The following MAP2 variants were observed in gnomAD, a reference collection of about 807,000 sequenced individuals.
MAP2 encodes the protein microtubule associated protein 2.
A neutral mutation model predicts 137.6 loss-of-function variants in MAP2; 14 were observed. The observed-to-expected ratio is 0.10, with a 90% CI of 0.07 to 0.16. The LOEUF (loss-of-function observed/expected upper bound fraction) is 0.16. Ranked by LOEUF, MAP2 falls within the 10% of genes least tolerant of loss-of-function variation. The pLI, the probability that MAP2 is intolerant of heterozygous loss-of-function variation, is 1.00. For synonymous variants in MAP2, 786 were observed against 782.3 expected (o/e 1.00, Z -0.08); for missense variants, 2,088 against 2,191.5 (o/e 0.95, Z 0.94).
chr2:209,543,692 A>G (rs288071), intron 2 of MAP2, among the ~76,000 whole-genome samples: 37,654 of 152,114 alleles, frequency 0.25, 7,452 homozygotes, highest in African/African-American at 0.56. Flanking sequence ...CTGTATTTTA[A>G]GATTGTGTCA....
At chr2:209,569,726 CA>C (rs1351797823) in intron 2 of MAP2, among the ~76,000 whole-genome samples, 2 of 151,800 alleles carry the variant, frequency 1.3e-5, no homozygotes, top group Non-Finnish European at 3.0e-5. Context: ...ACATAGATTA[CA>C]TAACATGATA....
chr2:209,729,984 C>T, intron 15 of MAP2, 22 bp downstream of exon 15: 1 of 1,432,942 alleles, frequency 7.0e-7, no homozygotes, highest in Middle Eastern at 1.8e-4. Context: ...GGTTATGAGC[C>T]AATCTTGTCT....
intron 2 of MAP2, among the ~76,000 whole-genome samples, chr2:209,539,010 A>G (rs550138157): frequency 6.6e-6 from 1 of 152,308 alleles, no homozygotes; most frequent in East Asian, 1.9e-4. Flanking sequence ...TTCAAAAAAT[A>G]TTAGAATGAT....
At chr2:209,651,876 T>C (rs1206537972) in intron 4 of MAP2, among the ~76,000 whole-genome samples, 1 of 152,210 alleles carries the variant, frequency 6.6e-6, no homozygotes, top group Admixed American at 6.5e-5. Flanking sequence ...TGCTTGTTAG[T>C]AATCTGATGG....
chr2:209,636,446 G>A (rs182548325), intron 4 of MAP2, among the ~76,000 whole-genome samples: 84 of 152,150 alleles, frequency 5.5e-4, no homozygotes, highest in Non-Finnish European at 9.7e-4. Flanking sequence ...TTTTTGGCAT[G>A]TGTTTACAAT....
At chr2:209,679,668 T>C (rs2053680360) in intron 6 of MAP2, among the ~76,000 whole-genome samples, 1 of 152,030 alleles carries the variant, frequency 6.6e-6, no homozygotes, top group Admixed American at 6.6e-5. Flanking sequence ...GAATAATAAT[T>C]TAGAATACAC....
intron 4 of MAP2, among the ~76,000 whole-genome samples, chr2:209,627,605 T>A (rs2092516346): frequency 6.6e-6 from 1 of 152,206 alleles, no homozygotes; most frequent in African/African-American, 2.4e-5. Context: ...GAAGCTATTC[T>A]GCCTACCAGA....
At chr2:209,600,498 G>T (rs931341207) in intron 3 of MAP2, among the ~76,000 whole-genome samples, 2 of 152,104 alleles carry the variant, frequency 1.3e-5, no homozygotes, top group African/African-American at 4.8e-5. Context: ...CCTGTTTCCG[G>T]GGCTGTCTAC....
intron 2 of MAP2, among the ~76,000 whole-genome samples, chr2:209,559,703 G>C (rs1442140646): frequency 6.6e-6 from 1 of 151,894 alleles, no homozygotes; most frequent in Non-Finnish European, 1.5e-5. Flanking sequence ...CACCAAGACA[G>C]TAGTGGTGTC....
intron 1 of MAP2, among the ~76,000 whole-genome samples, chr2:209,497,917 C>G (rs1026468589): frequency 5.3e-5 from 8 of 152,198 alleles, no homozygotes; most frequent in African/African-American, 1.9e-4. Flanking sequence ...ACTATATCAT[C>G]CTGCATCTGG....
At position 209,686,511 on chromosome 2, in the gene MAP2, CTTA is replaced by C. The variant is rs149523278; in HGVS notation, c.454+5690_454+5692del. Among the ~76,000 whole-genome samples the C allele has an allele frequency of 8.0e-3, 1,213 of 152,100 alleles. 16 individuals carry two copies. Among genetic ancestry groups the C allele is most frequent in the African/African-American group, 0.027 (1,130 of 41,494 alleles). ...ACAGATAGATACTATAGATTTTGTTCTTATTATTGAGAGTCATGAAATTTTAAA... is the reference window on the plus strand; with the variant it reads ...ACAGATAGATACTATAGATTTTGTTCTTATTGAGAGTCATGAAATTTTAAA... On this transcript the variant is annotated intron_variant, in intron 7 of 15. Transcript: ENST00000682079.
intron 1 of MAP2, among the ~76,000 whole-genome samples, chr2:209,472,835 T>C (rs1022370386): frequency 4.6e-5 from 7 of 152,194 alleles, no homozygotes; most frequent in African/African-American, 1.7e-4. Flanking sequence ...ATATTTAATA[T>C]AATGCTAGCA....
chr2:209,532,089 A>T (rs1227242084), intron 2 of MAP2, among the ~76,000 whole-genome samples: 2 of 151,920 alleles, frequency 1.3e-5, no homozygotes, highest in Non-Finnish European at 2.9e-5. Context: ...AACTAAAAAA[A>T]TTAGCTAGGC....
intron 2 of MAP2, among the ~76,000 whole-genome samples, chr2:209,523,941 C>T (rs909416854): frequency 1.3e-5 from 2 of 152,122 alleles, no homozygotes; most frequent in Non-Finnish European, 2.9e-5. Flanking sequence ...AGGCTTGTCT[C>T]ATTTAGACAA....
chr2:209,680,634 A>T (rs1021605612), intron 6 of MAP2, 116 bp from the exon 7 acceptor site: 9 of 875,794 alleles, frequency 1.0e-5, no homozygotes, highest in Non-Finnish European at 7.4e-6. Context: ...CTTACTATTG[A>T]ATCTTTTTCT....
intron 13 of MAP2, among the ~76,000 whole-genome samples, chr2:209,713,963 G>A (rs778559394): frequency 3.9e-4 from 59 of 152,052 alleles, no homozygotes; most frequent in Non-Finnish European, 5.4e-4. Flanking sequence ...CCAAGGCAGC[G>A]GGTGGATCAC....
chr2:209,458,885 A>G (rs1702131502), intron 1 of MAP2, among the ~76,000 whole-genome samples: 1 of 152,090 alleles, frequency 6.6e-6, no homozygotes, highest in African/African-American at 2.4e-5. Flanking sequence ...GTCTTTTCAT[A>G]TGTCAAGCAG....
At chr2:209,537,001 T>C (rs1275185825) in intron 2 of MAP2, among the ~76,000 whole-genome samples, 1 of 152,126 alleles carries the variant, frequency 6.6e-6, no homozygotes, top group African/African-American at 2.4e-5. Flanking sequence ...TTTTTCTAAG[T>C]GGCCCAAGAG....
chr2:209,509,469 T>G (rs1163543246), intron 2 of MAP2, among the ~76,000 whole-genome samples: 1 of 151,994 alleles, frequency 6.6e-6, no homozygotes, highest in African/African-American at 2.4e-5. Flanking sequence ...TGGATATGTG[T>G]GGTTTAGTAT....
Sources: gnomAD v4.1 joint callset for allele counts (sites outside exome capture counted in the v4.1 genomes callset) on GRCh38, gnomAD v4.1.1 for gene constraint, MANE v1.5 for transcripts, NCBI Gene and HGNC (gene_info 2026-07-23, HGNC 2026-07-21) for gene names.